ZMAT4: variants seen among roughly 807,000 people sequenced by gnomAD.
ZMAT4 encodes zinc finger matrin-type protein 4.
In ZMAT4, 17 loss-of-function variants were observed where a neutral mutation model predicts 28.7. The ratio of observed to expected loss-of-function variants is 0.59; its 90% CI spans 0.41 to 0.89. ZMAT4 has a LOEUF of 0.89. ZMAT4 is among the 40% of genes least tolerant of loss of function. ZMAT4 has a pLI of 0.00. For missense variants in ZMAT4, 240 were observed against 283.8 expected (o/e 0.85, Z 1.11); for synonymous variants, 117 against 109.2 (o/e 1.07, Z -0.44).
At chr8:40,784,958 A>G (rs918835982) in intron 2 of ZMAT4, among the ~76,000 whole-genome samples, 6 of 152,284 alleles carry the variant, frequency 3.9e-5, no homozygotes, top group African/African-American at 9.6e-5. Flanking sequence ...TTGTACAAGT[A>G]CACACTGTAT....
intron 6 of ZMAT4, among the ~76,000 whole-genome samples, chr8:40,561,103 G>A (rs960907434): frequency 1.3e-5 from 2 of 152,212 alleles, no homozygotes; most frequent in South Asian, 4.1e-4. Context: ...TGATTTATAA[G>A]CTTTTCTGTG....
intron 3 of ZMAT4, among the ~76,000 whole-genome samples, chr8:40,752,775 C>T (rs996892384): frequency 5.9e-5 from 9 of 152,160 alleles, no homozygotes; most frequent in African/African-American, 1.2e-4. Flanking sequence ...GGCTGACACT[C>T]GACAGCTCCC....
intron 6 of ZMAT4, among the ~76,000 whole-genome samples, chr8:40,573,764 C>T (rs1218983123): frequency 6.6e-6 from 1 of 151,974 alleles, no homozygotes; most frequent in Non-Finnish European, 1.5e-5. Context: ...GGATCATGAG[C>T]AAGGGCATGG....
chr8:40,554,891 T>C (rs1403940487), intron 6 of ZMAT4, among the ~76,000 whole-genome samples: 1 of 152,154 alleles, frequency 6.6e-6, no homozygotes, highest in Non-Finnish European at 1.5e-5. Context: ...TGTTATCAGA[T>C]ACCAGAATTT....
chr8:40,545,884 C>T (rs1803186164), intron 6 of ZMAT4, among the ~76,000 whole-genome samples: 1 of 150,064 alleles, frequency 6.7e-6, no homozygotes, highest in Non-Finnish European at 1.5e-5. Flanking sequence ...AAAAAGTAAC[C>T]AAGGAACAAT....
chr8:40,752,927 G>T (rs1474439675), intron 3 of ZMAT4, among the ~76,000 whole-genome samples: 1 of 152,010 alleles, frequency 6.6e-6, no homozygotes, highest in Non-Finnish European at 1.5e-5. Context: ...TGCAGAACGT[G>T]CAGGTTTGTT....
rs1231303664 is a variant in ZMAT4, at chr8:40,825,641, T to C, written c.36A>G (p.Thr12=). 3 of 1,555,602 alleles carry C rather than the reference T, an allele frequency of 1.9e-6. No homozygotes were observed. Among genetic ancestry groups the C allele is most frequent in the Non-Finnish European group, 2.6e-6 (3 of 1,148,458 alleles). ...CACTGCACACCTTGCAGTAACTGTCTGTGAATAAATCCTGATCAATATCGG... is the reference window on the plus strand; with the variant it reads ...CACTGCACACCTTGCAGTAACTGTCCGTGAATAAATCCTGATCAATATCGG... ...KSSDIDQDLF[T]DSYCKVCSAQ... The change falls in exon 2 of 7, where the codon ACA becomes ACG. Residue 12 remains threonine, a synonymous_variant. Transcript: ENST00000297737.
chr8:40,629,500 C>A (rs191050114), intron 5 of ZMAT4, among the ~76,000 whole-genome samples: 1 of 151,454 alleles, frequency 6.6e-6, no homozygotes, highest in Non-Finnish European at 1.5e-5. Context: ...TGGTGTGCTG[C>A]ACCCATTAAC....
chr8:40,754,245 A>G (rs1246965947), intron 3 of ZMAT4, among the ~76,000 whole-genome samples: 1 of 152,196 alleles, frequency 6.6e-6, no homozygotes, highest in Non-Finnish European at 1.5e-5. Flanking sequence ...ATATGTTAAC[A>G]ATAAAACAGT....
At chr8:40,629,389 C>A (rs1475332241) in intron 5 of ZMAT4, among the ~76,000 whole-genome samples, 10 of 145,782 alleles carry the variant, frequency 6.9e-5, no homozygotes. Flanking sequence ...ACTTTGCCTG[C>A]AATGGAGTTT....
intron 2 of ZMAT4, among the ~76,000 whole-genome samples, chr8:40,796,213 C>G (rs1441876426): frequency 6.6e-6 from 1 of 152,216 alleles, no homozygotes; most frequent in Non-Finnish European, 1.5e-5. Context: ...ATGCACCTAA[C>G]AGCAGGCTCC....
chr8:40,558,993 C>A (rs1803640645), intron 6 of ZMAT4, among the ~76,000 whole-genome samples: 1 of 152,166 alleles, frequency 6.6e-6, no homozygotes, highest in South Asian at 2.1e-4. Context: ...AAGCCTCGCA[C>A]CCCTGCACTT....
intron 4 of ZMAT4, among the ~76,000 whole-genome samples, chr8:40,681,962 T>C (rs1308177897): frequency 6.6e-6 from 1 of 152,114 alleles, no homozygotes; most frequent in Non-Finnish European, 1.5e-5. Flanking sequence ...AAAGATGTGG[T>C]TTATATGTAT....
intron 2 of ZMAT4, among the ~76,000 whole-genome samples, chr8:40,823,046 C>T (rs1815888269): frequency 6.6e-6 from 1 of 152,070 alleles, no homozygotes; most frequent in Admixed American, 6.6e-5. Flanking sequence ...TTCCTTTAAA[C>T]AATTTTTCAT....
At chr8:40,603,742 C>A (rs1270057445) in intron 5 of ZMAT4, among the ~76,000 whole-genome samples, 1 of 152,106 alleles carries the variant, frequency 6.6e-6, no homozygotes, top group Non-Finnish European at 1.5e-5. Context: ...CATTCTCCTG[C>A]CTCAGCCTCC....
At chr8:40,704,561 T>A (rs1349148572) in intron 3 of ZMAT4, among the ~76,000 whole-genome samples, 9 of 152,278 alleles carry the variant, frequency 5.9e-5, no homozygotes, top group African/African-American at 2.2e-4. Flanking sequence ...ATTTTGTTTT[T>A]GTTTTAGAAT....
At chr8:40,870,732 T>C (rs1817827964) in intron 1 of ZMAT4, among the ~76,000 whole-genome samples, 1 of 152,188 alleles carries the variant, frequency 6.6e-6, no homozygotes, top group Non-Finnish European at 1.5e-5. Flanking sequence ...AAAAACATAA[T>C]TGCTGAGTAA....
intron 1 of ZMAT4, among the ~76,000 whole-genome samples, chr8:40,828,078 G>A (rs1023883604): frequency 2.0e-5 from 3 of 152,110 alleles, no homozygotes; most frequent in African/African-American, 7.2e-5. Context: ...ACAGAATGCG[G>A]GCACTCCGGA....
At chr8:40,789,703 A>C (rs1814243533) in intron 2 of ZMAT4, among the ~76,000 whole-genome samples, 1 of 152,290 alleles carries the variant, frequency 6.6e-6, no homozygotes, top group Middle Eastern at 3.4e-3. Context: ...CTGTGTACCC[A>C]CAAAAATTAA....
Sources: allele counts gnomAD v4.1 joint callset (sites outside exome capture counted in the v4.1 genomes callset), GRCh38; gene constraint gnomAD v4.1.1; transcripts MANE v1.5; gene names NCBI Gene and HGNC (gene_info 2026-07-23, HGNC 2026-07-21).